The following NSD3 variants were observed in gnomAD, a reference collection of about 807,000 sequenced individuals.
The protein encoded by NSD3 is nuclear receptor binding SET domain protein 3.
Under a neutral mutation model 160.8 loss-of-function variants are expected in NSD3, and 24 were observed. The ratio of observed to expected loss-of-function variants is 0.15; its 90% confidence interval spans 0.11 to 0.21. NSD3 has a LOEUF of 0.21. NSD3 is among the 10% of genes least tolerant of loss of function. NSD3 has a pLI of 1.00. For synonymous variants in NSD3, 520 were observed against 600.0 expected (o/e 0.87, Z 1.95); for missense variants, 1,157 against 1,735.9 (o/e 0.67, Z 5.93).
chr8:38,357,180 G>C (rs1410505388), intron 1 of NSD3, among the ~76,000 whole-genome samples: 2 of 147,180 alleles, frequency 1.4e-5, no homozygotes, highest in Non-Finnish European at 3.0e-5. Flanking sequence ...AAGCATTTTG[G>C]AATTAGAAGT....
In NSD3 at chr8:38,323,200, G is replaced by A. The variant is rs569522820; in HGVS notation, c.1709-2028C>T. Among the ~76,000 whole-genome samples the A allele has an allele frequency of 3.9e-5, 6 of 152,124 alleles. No individual in the cohort carries two copies. In the South Asian group the frequency reaches 6.2e-4, roughly 16 times the overall value. On this transcript the variant is annotated intron_variant, in intron 7 of 23. Coordinates refer to ENST00000317025, the MANE Select transcript of NSD3 (RefSeq NM_023034.2). ...CTCCTGAGTAGCTGGGATTACAGGC[G>A]TGCGCCACCATGCCCAGCTAATTTT...
At chr8:38,332,100 AT>A (rs1220911168) in intron 4 of NSD3, among the ~76,000 whole-genome samples, 1 of 151,868 alleles carries the variant, frequency 6.6e-6, no homozygotes, top group South Asian at 2.1e-4. Flanking sequence ...TAATTAATAA[AT>A]TTTTTTGTTG....
At position 38,305,520 on chromosome 8, in the gene NSD3, C is replaced by CAAACAGCTACTCCTA; in HGVS notation, c.2243-90_2243-76dup. 5.6e-6 allele frequency: 8 copies of CAAACAGCTACTCCTA among 1,423,488 alleles called. No individual in the cohort carries two copies. In the South Asian group the frequency reaches 6.3e-5, roughly 11 times the overall value. 88.2% of individuals were successfully genotyped at this position (1,423,488 alleles called of 1,614,324 possible). Reference sequence around the variant, plus strand: ...TTCAAGTAGAAGCAGCTACAGACATCAAACAGCTACTCCTAAAACAGACTC... The same window carrying CAAACAGCTACTCCTA: ...TTCAAGTAGAAGCAGCTACAGACATCAAACAGCTACTCCTAAAACAGCTACTCCTAAAACAGACTC... On this transcript the variant is annotated intron_variant, in intron 12 of 23. Coordinates refer to ENST00000317025, the MANE Select transcript of NSD3 (RefSeq NM_023034.2).
chr8:38,343,665 T>G (rs181581025), intron 2 of NSD3, among the ~76,000 whole-genome samples: 1 of 152,188 alleles, frequency 6.6e-6, no homozygotes, highest in Admixed American at 6.5e-5. Flanking sequence ...ACTGCACCAC[T>G]GCACTCCACC....
At chr8:38,380,305 T>G (rs1253620691) in intron 1 of NSD3, among the ~76,000 whole-genome samples, 2 of 152,342 alleles carry the variant, frequency 1.3e-5, no homozygotes, top group East Asian at 3.9e-4. Flanking sequence ...TTTTCAACAT[T>G]CAAAATACAG....
rs1809706762 is a variant in NSD3 at position 38,317,825 on chromosome 8, G to GA, written c.1855+1069dup. ...GAGTCTTGAAGAAGAAACCAGGCAG[G>GA]AAAATGCCAATAATGATGATTGGCG... On this transcript the variant is annotated intron_variant, in intron 9 of 23. Transcript: ENST00000317025. The surrounding 1 kb of genome is among the most constrained non-coding windows in gnomAD (Gnocchi z 5.3). 1.3e-6 allele frequency: 2 copies of GA among 1,483,438 alleles called. No individual in the cohort carries two copies. The highest frequency in any genetic ancestry group is 2.8e-5 in the African/African-American group (2 of 70,972). 91.9% of individuals were successfully genotyped at this position (1,483,438 alleles called of 1,614,324 possible).
At position 38,272,641 on chromosome 8, in the gene NSD3, C is replaced by T. The variant is rs1685951267; in HGVS notation, c.*3000G>A. ...ATCAAAAATCTTATGTTCACTTCTT[C>T]CTTCAACAAATTAACATGTGGTTAA... On this transcript the variant is annotated 3_prime_UTR_variant, in exon 24 of 24. Transcript: ENST00000317025. 2 of 152,222 alleles carry T rather than the reference C, an allele frequency of 1.3e-5. No individual in the cohort carries two copies. The highest frequency in any genetic ancestry group is 2.9e-5 in the Non-Finnish European group (2 of 68,040). The allele number at this position is 152,222 out of a possible 1,614,324, so 9.4% of individuals were successfully genotyped here. A position where few individuals can be genotyped will look rare whatever the true frequency, so the allele number is the denominator to read the frequency against.
chr8:38,360,493 T>C (rs1229694812), intron 1 of NSD3, among the ~76,000 whole-genome samples: 1 of 152,134 alleles, frequency 6.6e-6, no homozygotes, highest in Non-Finnish European at 1.5e-5. Context: ...CCATTCTGGT[T>C]GAGGCTGACT....
At chr8:38,370,109 T>C (rs1811207303) in intron 1 of NSD3, among the ~76,000 whole-genome samples, 1 of 152,086 alleles carries the variant, frequency 6.6e-6, no homozygotes. Flanking sequence ...ACCCAGTTTT[T>C]AAAAAATGTT....
chr8:38,375,935 ACTAT>A (rs949933485), intron 1 of NSD3, among the ~76,000 whole-genome samples: 2 of 152,224 alleles, frequency 1.3e-5, no homozygotes, highest in Admixed American at 6.5e-5. Context: ...AACAGACAAG[ACTAT>A]CTTTTTGTTT....
intron 2 of NSD3, among the ~76,000 whole-genome samples, chr8:38,347,030 A>G (rs1810555040): frequency 6.6e-6 from 1 of 152,208 alleles, no homozygotes. Context: ...GTTTTAATCA[A>G]TATTTATTAA....
rs1809685340 is a variant in NSD3 at position 38,317,090 on chromosome 8, C to T, written c.1856-1048G>A. On this transcript the variant is annotated intron_variant, in intron 9 of 23. Transcript: ENST00000317025. This position sits in a 1 kb window ranked among gnomAD's most constrained non-coding sequence, Gnocchi z 5.3. ...TGGAAGTGTGCAGTCCAGAAGAGCC[C>T]ATGGAGAAACAAGTCTCCTGAGGCC... 6.6e-6 allele frequency: 7 copies of T among 1,061,606 alleles called. No individual in the cohort carries two copies. Among genetic ancestry groups the T allele is most frequent in the Non-Finnish European group, 8.0e-6 (7 of 876,992 alleles). The allele number at this position is 1,061,606 out of a possible 1,614,324, so 65.8% of individuals were successfully genotyped here. A position where few individuals can be genotyped will look rare whatever the true frequency, so the allele number is the denominator to read the frequency against.
At chr8:38,282,737 T>C (rs1585852726) in intron 19 of NSD3, among the ~76,000 whole-genome samples, 1 of 152,304 alleles carries the variant, frequency 6.6e-6, no homozygotes. Flanking sequence ...ACAGAACCTT[T>C]TGAGATTGGC....
chr8:38,281,113 C>T (rs945480183), intron 20 of NSD3, among the ~76,000 whole-genome samples: 2 of 152,060 alleles, frequency 1.3e-5, no homozygotes, highest in African/African-American at 2.4e-5. Flanking sequence ...ACTTTAATAA[C>T]GGTGGTTTAT....
At chr8:38,374,961 G>A (rs1395606800) in intron 1 of NSD3, among the ~76,000 whole-genome samples, 1 of 151,946 alleles carries the variant, frequency 6.6e-6, no homozygotes, top group Non-Finnish European at 1.5e-5. Flanking sequence ...CCGAGATCGC[G>A]CCCCTGCACT....
intron 16 of NSD3, 194 bp from the exon 17 acceptor site, chr8:38,290,871 A>T (rs761963605): frequency 6.0e-6 from 3 of 502,080 alleles, no homozygotes; most frequent in Non-Finnish European, 1.1e-5. Flanking sequence ...ATTAGGCCCT[A>T]AACACCTGAT....
rs975996178 is a variant in NSD3, at chr8:38,317,563, T to TA, written c.1855+1331dup. 60 of 1,069,780 alleles carry TA rather than the reference T, an allele frequency of 5.6e-5. No homozygotes were observed. Among genetic ancestry groups the TA allele is most frequent in the African/African-American group, 4.1e-4 (25 of 60,530 alleles). The allele number at this position is 1,069,780 out of a possible 1,614,324, so 66.3% of individuals were successfully genotyped here. A position where few individuals can be genotyped will look rare whatever the true frequency, so the allele number is the denominator to read the frequency against. On this transcript the variant is annotated intron_variant, in intron 9 of 23. Transcript: ENST00000317025. The surrounding 1 kb of genome is among the most constrained non-coding windows in gnomAD (Gnocchi z 5.3). ...TTCTCCATGATAACGGCACTAATAT[T>TA]AAAAAAAATAAGAACTTTTAATGAT... is the stretch of plus-strand genomic sequence containing the variant.
rs1415258656 is a variant in NSD3 at position 38,271,575 on chromosome 8, T to A, written c.*4066A>T. On this transcript the variant is annotated 3_prime_UTR_variant, in exon 24 of 24. Transcript: ENST00000317025. ...TAGTCCATCTGAAAATGGAAGCAAG[T>A]TCTACTTTTTGTTTTACAAATAACC... 2 of 152,210 alleles carry A rather than the reference T, an allele frequency of 1.3e-5. No homozygotes were observed. Among genetic ancestry groups the A allele is most frequent in the Non-Finnish European group, 2.9e-5 (2 of 68,038 alleles). The allele number at this position is 152,210 out of a possible 1,614,324, so 9.4% of individuals were successfully genotyped here.
At chr8:38,326,003 C>A (rs945638503) in intron 7 of NSD3, among the ~76,000 whole-genome samples, 1 of 151,758 alleles carries the variant, frequency 6.6e-6, no homozygotes. Context: ...CAAAAAGTAG[C>A]TGGGTGTGTT....
Sources: gnomAD v4.1 joint callset for allele counts (sites outside exome capture counted in the v4.1 genomes callset) on GRCh38, gnomAD v4.1.1 for gene constraint, Gnocchi (gnomAD v3.1) non-coding constraint, MANE v1.5 for transcripts, NCBI Gene and HGNC (gene_info 2026-07-23, HGNC 2026-07-21) for gene names.